NRXN3: variants seen among roughly 807,000 people sequenced by gnomAD.
The protein encoded by NRXN3 is neurexin III.
A neutral mutation model predicts 137.6 loss-of-function variants in NRXN3; 32 were observed. The observed-to-expected ratio is 0.23, with a 90% CI of 0.18 to 0.31. The LOEUF is 0.31. NRXN3 is among the 10% of genes least tolerant of loss of function. The probability of loss-of-function intolerance (pLI) is 1.00; values close to 1 mark genes in which losing one functional copy is unlikely to be tolerated. For missense variants in NRXN3, 1,574 were observed against 2,062.5 expected, an observed-to-expected ratio of 0.76 and a Z score of 4.59; for synonymous variants, 798 against 784.5, an observed-to-expected ratio of 1.02 and a Z score of -0.29.
At chr14:78,196,380 G>T (rs1168311786) in intron 1 of NRXN3, among the ~76,000 whole-genome samples, 2 of 152,226 alleles carry the variant, frequency 1.3e-5, no homozygotes, top group East Asian at 3.9e-4. Flanking sequence ...CATTGGGAAA[G>T]AAAATAATGA....
intron 8 of NRXN3, among the ~76,000 whole-genome samples, chr14:78,784,929 A>C (rs1465189611): frequency 1.3e-5 from 2 of 152,110 alleles, no homozygotes; most frequent in Non-Finnish European, 2.9e-5. Flanking sequence ...TCTATGGCCA[A>C]AGTGAAAGGA....
chr14:79,124,059 C>T (rs1041834791), intron 15 of NRXN3, among the ~76,000 whole-genome samples: 8 of 152,146 alleles, frequency 5.3e-5, no homozygotes, highest in Non-Finnish European at 7.3e-5. Flanking sequence ...TAGCACCTGA[C>T]GCCAATCAAA....
chr14:79,488,500 A>G (rs1053866209), intron 16 of NRXN3, among the ~76,000 whole-genome samples: 5 of 152,206 alleles, frequency 3.3e-5, no homozygotes, highest in African/African-American at 1.2e-4. Flanking sequence ...GCAGAAATTG[A>G]CAACGCATGG....
At chr14:78,922,727 A>T (rs996905861) in intron 10 of NRXN3, among the ~76,000 whole-genome samples, 1 of 152,196 alleles carries the variant, frequency 6.6e-6, no homozygotes, top group African/African-American at 2.4e-5. Flanking sequence ...GAGGGAGAGC[A>T]TCAGGATAAA....
intron 19 of NRXN3, among the ~76,000 whole-genome samples, chr14:79,772,535 C>T (rs2099082141): frequency 6.6e-6 from 1 of 152,130 alleles, no homozygotes. Flanking sequence ...GAAAGGATTC[C>T]CTATTTAATA....
intron 1 of NRXN3, among the ~76,000 whole-genome samples, chr14:78,188,524 G>A (rs971207219): frequency 6.6e-6 from 1 of 152,200 alleles, no homozygotes; most frequent in African/African-American, 2.4e-5. Flanking sequence ...GGGGTCAGAT[G>A]CCATGGAAAA....
intron 4 of NRXN3, among the ~76,000 whole-genome samples, chr14:78,541,813 C>T (rs1397401687): frequency 6.6e-6 from 1 of 151,872 alleles, no homozygotes; most frequent in Admixed American, 6.6e-5. Flanking sequence ...TGTAGATGAC[C>T]TTTCTGTTGA....
At chr14:78,547,170 A>G (rs561927488) in intron 4 of NRXN3, among the ~76,000 whole-genome samples, 1 of 151,646 alleles carries the variant, frequency 6.6e-6, no homozygotes, top group African/African-American at 2.4e-5. Context: ...AATGTCTGAT[A>G]TCTATGAAGT....
chr14:79,439,823 A>T (rs2095902767), intron 15 of NRXN3, among the ~76,000 whole-genome samples: 1 of 152,206 alleles, frequency 6.6e-6, no homozygotes, highest in Admixed American at 6.5e-5. Context: ...GGATGTGAAA[A>T]TAGATTTAAC....
chr14:78,527,481 C>T lies in NRXN3; in HGVS notation c.758-117639C>T, dbSNP rs111508523. 4.0e-3 allele frequency among the ~76,000 whole-genome samples: 603 copies of T among 152,292 alleles called. 5 individuals carry two copies. Among genetic ancestry groups the T allele is most frequent in the Non-Finnish European group, 7.2e-3 (491 of 68,022 alleles). ...TGAGAACTCCACTCCCATGATCCAA[C>T]CACCTCCCACCAGGACCCACCTCCA... is the stretch of plus-strand genomic sequence containing the variant. On this transcript the variant is annotated intron_variant, in intron 4 of 20. Transcript: ENST00000335750.
chr14:78,635,642 T>C (rs987239664), intron 4 of NRXN3, among the ~76,000 whole-genome samples: 14 of 152,200 alleles, frequency 9.2e-5, no homozygotes, highest in Non-Finnish European at 1.0e-4. Context: ...GTCCACAGAA[T>C]GTAGTGTGAC....
At chr14:78,313,674 C>T (rs995157602) in intron 4 of NRXN3, among the ~76,000 whole-genome samples, 9 of 152,154 alleles carry the variant, frequency 5.9e-5, no homozygotes, top group South Asian at 2.1e-4. Context: ...CTACTATATA[C>T]GATACCATCA....
At chr14:78,660,358 A>T (rs2097828190) in intron 6 of NRXN3, among the ~76,000 whole-genome samples, 1 of 151,624 alleles carries the variant, frequency 6.6e-6, no homozygotes, top group African/African-American at 2.4e-5. Flanking sequence ...CCAATGATTC[A>T]GTGGCACCTG....
At chr14:78,932,686 C>T (rs892815648) in intron 10 of NRXN3, among the ~76,000 whole-genome samples, 4 of 152,156 alleles carry the variant, frequency 2.6e-5, no homozygotes, top group Non-Finnish European at 2.9e-5. Context: ...TGTACTTGTA[C>T]AGTAGGACTA....
At chr14:79,415,568 T>C (rs2597091) in intron 15 of NRXN3, among the ~76,000 whole-genome samples, 47,869 of 151,942 alleles carry the variant, frequency 0.32, 8,203 homozygotes, top group Middle Eastern at 0.53. Flanking sequence ...TACTGAAGGA[T>C]AACTGTTACT....
At chr14:79,202,599 TTAGTTCCCA>T (rs1214164101) in intron 15 of NRXN3, among the ~76,000 whole-genome samples, 4 of 152,148 alleles carry the variant, frequency 2.6e-5, no homozygotes, top group African/African-American at 9.7e-5. Flanking sequence ...TCCTCATAGC[TTAGTTCCCA>T]CATATCAGTG....
intron 8 of NRXN3, among the ~76,000 whole-genome samples, chr14:78,749,439 T>C (rs1422406370): frequency 4.6e-5 from 7 of 152,224 alleles, no homozygotes; most frequent in Admixed American, 1.3e-4. Context: ...CAGTGAAGTA[T>C]TGATTTGATA....
At chr14:79,256,918 A>G (rs2076657200) in intron 15 of NRXN3, among the ~76,000 whole-genome samples, 1 of 151,730 alleles carries the variant, frequency 6.6e-6, no homozygotes, top group Non-Finnish European at 1.5e-5. Flanking sequence ...TGTGTGTGAC[A>G]GAAAGAGACA....
chr14:78,283,938 C>G (rs980310104), intron 3 of NRXN3, among the ~76,000 whole-genome samples: 3 of 152,212 alleles, frequency 2.0e-5, no homozygotes, highest in African/African-American at 4.8e-5. Flanking sequence ...TATCATGGCA[C>G]TGTGACCTAT....
Sources: allele counts gnomAD v4.1 joint callset (sites outside exome capture counted in the v4.1 genomes callset), GRCh38; gene constraint gnomAD v4.1.1; transcripts MANE v1.5; gene names NCBI Gene and HGNC (gene_info 2026-07-23, HGNC 2026-07-21).